The following PCDH9 variants were observed in gnomAD, a reference collection of about 807,000 sequenced individuals.
The protein encoded by PCDH9 is protocadherin-9.
A neutral mutation model predicts 70.6 loss-of-function variants in PCDH9; 24 were observed. The ratio of observed to expected loss-of-function variants is 0.34; its 90% CI spans 0.25 to 0.48. PCDH9 has a LOEUF of 0.48. Among genes scored for constraint, PCDH9 ranks in the 20% least tolerant of loss-of-function variants. PCDH9 has a pLI of 0.99. For missense variants in PCDH9, 1,281 were observed against 1,503.6 expected (o/e 0.85, Z 2.45); for synonymous variants, 562 against 558.5 (o/e 1.01, Z -0.09).
intron 3 of PCDH9, among the ~76,000 whole-genome samples, chr13:66,799,321 T>C (rs1042657844): frequency 2.0e-5 from 3 of 152,180 alleles, no homozygotes; most frequent in Middle Eastern, 3.4e-3. Flanking sequence ...AGTCAGCCTG[T>C]TGTGGGGAGC....
intron 3 of PCDH9, among the ~76,000 whole-genome samples, chr13:66,866,665 C>A (rs1320915469): frequency 6.6e-6 from 1 of 151,802 alleles, no homozygotes; most frequent in Admixed American, 6.6e-5. Context: ...GCCGTGGTGG[C>A]GAGCGCCTAT....
intron 3 of PCDH9, among the ~76,000 whole-genome samples, chr13:66,840,194 T>C (rs2081092875): frequency 6.6e-6 from 1 of 152,198 alleles, no homozygotes; most frequent in Non-Finnish European, 1.5e-5. Context: ...CACCATTTTC[T>C]GAATACTGAA....
At chr13:66,921,519 A>G (rs970936655) in intron 2 of PCDH9, among the ~76,000 whole-genome samples, 19 of 151,344 alleles carry the variant, frequency 1.3e-4, no homozygotes, top group Non-Finnish European at 5.9e-5. Context: ...TACCAGGAAT[A>G]TATAAAGTCA....
chr13:66,456,602 T>A (rs907155235), intron 4 of PCDH9, among the ~76,000 whole-genome samples: 2 of 152,112 alleles, frequency 1.3e-5, no homozygotes, highest in African/African-American at 4.8e-5. Context: ...CAATATTACT[T>A]TATTAAAACT....
At chr13:66,807,132 A>C (rs1278052897) in intron 3 of PCDH9, among the ~76,000 whole-genome samples, 1 of 152,180 alleles carries the variant, frequency 6.6e-6, no homozygotes, top group Non-Finnish European at 1.5e-5. Flanking sequence ...ACAATCTTCA[A>C]CCATCTTACT....
chr13:66,724,337 T>TA (rs1237890662), intron 3 of PCDH9, among the ~76,000 whole-genome samples: 1 of 152,164 alleles, frequency 6.6e-6, no homozygotes, highest in Non-Finnish European at 1.5e-5. Context: ...GCATAGGGCT[T>TA]AAAAAATGGC....
At chr13:67,030,120 A>T (rs1254541626) in intron 2 of PCDH9, among the ~76,000 whole-genome samples, 1 of 152,068 alleles carries the variant, frequency 6.6e-6, no homozygotes, top group Non-Finnish European at 1.5e-5. Context: ...TCGCTCTGTC[A>T]CCCAGGCTGG....
chr13:67,202,214 A>G (rs1043904732), intron 2 of PCDH9: 13 of 152,208 alleles, frequency 8.5e-5, no homozygotes, highest in Admixed American at 7.9e-4. Context: ...TTCTTAGGCA[A>G]TAATGATTGA....
intron 3 of PCDH9, among the ~76,000 whole-genome samples, chr13:66,900,925 TA>T (rs1327858118): frequency 6.6e-6 from 1 of 151,728 alleles, no homozygotes; most frequent in Non-Finnish European, 1.5e-5. Context: ...AGTACAGAAT[TA>T]AATATAATGA....
At chr13:66,973,318 AT>A (rs1259261348) in intron 2 of PCDH9, among the ~76,000 whole-genome samples, 3 of 151,876 alleles carry the variant, frequency 2.0e-5, no homozygotes, top group Non-Finnish European at 2.9e-5. Context: ...GTTCACTTTT[AT>A]TTTTTTAATC....
intron 2 of PCDH9, among the ~76,000 whole-genome samples, chr13:67,190,765 TA>T (rs2088888937): frequency 6.6e-6 from 1 of 152,092 alleles, no homozygotes; most frequent in African/African-American, 2.4e-5. Context: ...AATATATTTT[TA>T]AAACATAGCA....
rs2089929325 is a variant in PCDH9 at position 67,228,220 on chromosome 13, G to A, written c.221C>T (p.Pro74Leu). 3 of 1,612,626 alleles carry A rather than the reference G, an allele frequency of 1.9e-6. No individual in the cohort carries two copies. Among genetic ancestry groups the A allele is most frequent in the Non-Finnish European group, 2.5e-6 (3 of 1,179,318 alleles). The change falls in exon 2 of 5, where the codon CCT becomes CTT. Residue 74 changes from proline to leucine, a missense_variant. This residue lies in a region of PCDH9 where 798 missense variants were observed against 1,003.1 expected (regional missense o/e 0.80). Coordinates refer to ENST00000377865, the MANE Select transcript of PCDH9 (RefSeq NM_203487.3). ...AGTGCTGCTGGAAACTTTCACCAAAGGGGCATCCCCAGCTTTAGAAACCAG... is the reference window on the plus strand; with the variant it reads ...AGTGCTGCTGGAAACTTTCACCAAAAGGGCATCCCCAGCTTTAGAAACCAG... The part of the protein sequence containing the change: ...YRLVSKAGDA[P>L]LVKVSSSTGE...
At chr13:66,970,994 A>G (rs2083512328) in intron 2 of PCDH9, among the ~76,000 whole-genome samples, 1 of 152,058 alleles carries the variant, frequency 6.6e-6, no homozygotes, top group Non-Finnish European at 1.5e-5. Flanking sequence ...TGTCAGTCCT[A>G]GATATTGATC....
chr13:66,625,863 C>T (rs1187304909), intron 4 of PCDH9, among the ~76,000 whole-genome samples: 7 of 151,968 alleles, frequency 4.6e-5, no homozygotes, highest in Admixed American at 1.3e-4. Context: ...AGGGTTTCAC[C>T]GTGTTGGCCA....
chr13:66,516,624 G>A (rs1959748258), intron 4 of PCDH9, among the ~76,000 whole-genome samples: 1 of 151,910 alleles, frequency 6.6e-6, no homozygotes, highest in Non-Finnish European at 1.5e-5. Flanking sequence ...TCCAATTATT[G>A]TTTAGAGACT....
At chr13:66,542,345 A>C (rs1960994708) in intron 4 of PCDH9, among the ~76,000 whole-genome samples, 2 of 152,084 alleles carry the variant, frequency 1.3e-5, no homozygotes, top group African/African-American at 4.8e-5. Context: ...TCAGATTCCA[A>C]TCTTGGTGTT....
chr13:67,140,164 T>C (rs1001669771), intron 2 of PCDH9, among the ~76,000 whole-genome samples: 2 of 152,052 alleles, frequency 1.3e-5, no homozygotes, highest in African/African-American at 4.8e-5. Context: ...TAGTCAATTA[T>C]TGTCTGAAAT....
chr13:66,858,288 G>A (rs1047695871), intron 3 of PCDH9, among the ~76,000 whole-genome samples: 8 of 152,002 alleles, frequency 5.3e-5, no homozygotes, highest in Non-Finnish European at 8.8e-5. Flanking sequence ...TTGAGTTTTC[G>A]TTTTGTTTAT....
intron 4 of PCDH9, among the ~76,000 whole-genome samples, chr13:66,467,586 T>C (rs893803291): frequency 2.6e-5 from 4 of 152,098 alleles, no homozygotes; most frequent in African/African-American, 7.2e-5. Context: ...TTGATTCTTT[T>C]ATCCCATTAT....
Sources: allele counts gnomAD v4.1 joint callset (sites outside exome capture counted in the v4.1 genomes callset), GRCh38; gene constraint gnomAD v4.1.1; regional missense constraint gnomAD v4.1.1; transcripts MANE v1.5; gene names NCBI Gene and HGNC (gene_info 2026-07-23, HGNC 2026-07-21).